Variants in FRK observed in about 807,000 individuals in gnomAD.
FRK encodes the protein fyn related Src family tyrosine kinase.
Under a neutral mutation model 56.4 loss-of-function variants are expected in FRK, and 51 were observed. The observed-to-expected ratio is 0.90, with a 90% CI of 0.72 to 1.14. The LOEUF (loss-of-function observed/expected upper bound fraction) is 1.14. Among genes scored for constraint, FRK ranks in the 50% most tolerant of loss-of-function variants. The pLI is 0.00. For synonymous variants in FRK, 245 were observed against 217.9 expected (o/e 1.12, Z -1.10); for missense variants, 570 against 601.4 (o/e 0.95, Z 0.55).
At chr6:116,024,010 A>C (rs1775977924) in intron 1 of FRK, among the ~76,000 whole-genome samples, 1 of 151,162 alleles carries the variant, frequency 6.6e-6, no homozygotes, top group South Asian at 2.1e-4. Flanking sequence ...TGATCACAGA[A>C]ATCTTTTCAT....
At position 116,039,943 on chromosome 6, in the gene FRK, T is replaced by TAA. The variant is rs1170576390; in HGVS notation, c.344+20023_344+20024dup. On this transcript the variant is annotated intron_variant, in intron 1 of 7. Transcript: ENST00000606080. ...GTGTGAGGGAATAAACACCTGGCAC[T>TAA]AAAAAAAAAAAAAAAAAGGAAAAAG... Among the ~76,000 whole-genome samples, 41 of 105,804 alleles carry TAA rather than the reference T, an allele frequency of 3.9e-4. 1 individual carries two copies. Among genetic ancestry groups the TAA allele is most frequent in the South Asian group, 1.1e-3 (4 of 3,480 alleles). 69.4% of individuals were successfully genotyped at this position (105,804 alleles called of 152,430 possible).
chr6:115,955,819 T>A (rs964926800), intron 5 of FRK, among the ~76,000 whole-genome samples: 4 of 152,232 alleles, frequency 2.6e-5, no homozygotes, highest in Admixed American at 2.6e-4. Context: ...ATTTTAATGC[T>A]CATTATACTG....
chr6:116,082,225 A>G, the FRK span, among the ~76,000 whole-genome samples: 5 of 152,330 alleles, frequency 3.3e-5, no homozygotes, highest in Admixed American at 3.3e-4. Flanking sequence ...AAGAGATAAG[A>G]AAGGGTAACA....
chr6:116,024,337 C>A (rs1164935761), intron 1 of FRK, among the ~76,000 whole-genome samples: 1 of 151,060 alleles, frequency 6.6e-6, no homozygotes, highest in Non-Finnish European at 1.5e-5. Flanking sequence ...CATATGTATA[C>A]ATGTGACATG....
Position 115,937,555 on chromosome 6 carries a change from C to A in FRK, c.*4859G>T, listed in dbSNP as rs1298715654. On this transcript the variant is annotated 3_prime_UTR_variant, in exon 8 of 8. Coordinates refer to ENST00000606080, the MANE Select transcript of FRK (RefSeq NM_002031.3). ...AATTGGATAAAGACTCAAGACCCAT[C>A]AGTGTGCTGTATTCAGGAGACCCAT... 1 of 152,080 alleles carries A rather than the reference C, an allele frequency of 6.6e-6. No homozygotes were observed. The highest frequency in any genetic ancestry group is 1.5e-5 in the Non-Finnish European group (1 of 68,028). The allele number at this position is 152,080 out of a possible 1,614,324, so 9.4% of individuals were successfully genotyped here. A position where few individuals can be genotyped will look rare whatever the true frequency, so the allele number is the denominator to read the frequency against.
At position 115,936,611 on chromosome 6, in the gene FRK, CA is replaced by C; in HGVS notation, c.*5802del. On this transcript the variant is annotated 3_prime_UTR_variant, in exon 8 of 8. Coordinates refer to ENST00000606080, the MANE Select transcript of FRK (RefSeq NM_002031.3). ...TTAGAGGAATTGCTAACTAGAATAACAAGTATAGAGAAGCACATAAATGACC... is the reference window on the plus strand; with the variant it reads ...TTAGAGGAATTGCTAACTAGAATAACAGTATAGAGAAGCACATAAATGACC... The C allele has an allele frequency of 6.6e-6, 1 of 152,206 alleles. No individual in the cohort carries two copies. The allele number at this position is 152,206 out of a possible 1,614,324, so 9.4% of individuals were successfully genotyped here.
Position 115,967,725 on chromosome 6 carries a change from T to A in FRK, c.631-6A>T, listed in dbSNP as rs1374034068. Reference sequence around the variant, plus strand: ...AATGGAGCTGGGACCTGGATCTGTTTCATAGAATAATAAGAGCAATTGTTA... The same window carrying A: ...AATGGAGCTGGGACCTGGATCTGTTACATAGAATAATAAGAGCAATTGTTA... On this transcript the variant is annotated splice_region_variant and splice_polypyrimidine_tract_variant and intron_variant, in intron 3 of 7. Transcript: ENST00000606080. The A allele has an allele frequency of 1.9e-6, 3 of 1,563,598 alleles. No individual in the cohort carries two copies. The highest frequency in any genetic ancestry group is 4.5e-5 in the East Asian group (2 of 44,024).
At chr6:116,049,705 T>C (rs936008388) in intron 1 of FRK, among the ~76,000 whole-genome samples, 2 of 152,208 alleles carry the variant, frequency 1.3e-5, no homozygotes, top group African/African-American at 4.8e-5. Context: ...TAAAAGCATC[T>C]GTCTCATAGG....
chr6:115,952,471 G>A (rs1772803142), intron 5 of FRK, among the ~76,000 whole-genome samples: 1 of 152,076 alleles, frequency 6.6e-6, no homozygotes, highest in African/African-American at 2.4e-5. Flanking sequence ...TACACTCTTG[G>A]TGGGACTGTA....
intron 5 of FRK, among the ~76,000 whole-genome samples, chr6:115,944,841 C>T (rs753605306): frequency 4.0e-5 from 6 of 151,822 alleles, no homozygotes; most frequent in Non-Finnish European, 8.8e-5. Flanking sequence ...AAGCCTAGTA[C>T]CCATTAGTTA....
At chr6:115,946,660 G>T (rs1183224916) in intron 5 of FRK, among the ~76,000 whole-genome samples, 2 of 152,178 alleles carry the variant, frequency 1.3e-5, no homozygotes, top group Non-Finnish European at 2.9e-5. Flanking sequence ...AACAGTAAAA[G>T]TGGGTGAGAT....
At chr6:115,973,779 G>A (rs1017419576) in intron 2 of FRK, among the ~76,000 whole-genome samples, 1 of 151,920 alleles carries the variant, frequency 6.6e-6, no homozygotes, top group Admixed American at 6.6e-5. Flanking sequence ...GCTGAGGCAG[G>A]AGAATTGCTT....
chr6:115,942,424 A>C lies in FRK; in HGVS notation c.1508T>G (p.Phe503Cys). Residue 503 changes from phenylalanine to cysteine, a missense_variant, in exon 8 of 8, where the codon TTC (phenylalanine) becomes TGC (cysteine). Transcript: ENST00000606080. ...TDSSYSDANN[F>C]IR ...ATTCTTCTCCAGTGTTCATCTTATGAAGTTATTTGCATCTGAATATGAAGA... is the reference window on the plus strand; with the variant it reads ...ATTCTTCTCCAGTGTTCATCTTATGCAGTTATTTGCATCTGAATATGAAGA... The C allele has an allele frequency of 6.2e-7, 1 of 1,611,224 alleles. No individual in the cohort carries two copies. The highest frequency in any genetic ancestry group is 8.5e-7 in the Non-Finnish European group (1 of 1,177,544).
upstream of FRK, among the ~76,000 whole-genome samples, chr6:116,061,963 GAAGAAAGAA>G (rs1562312663): frequency 2.1e-5 from 3 of 142,818 alleles, no homozygotes; most frequent in Non-Finnish European, 3.1e-5. Context: ...AAGAAAGAAA[GAAGAAAGAA>G]AAGAAAGAAA....
In FRK at chr6:115,940,148, C is replaced by T. The variant is rs1447741508; in HGVS notation, c.*2266G>A. On this transcript the variant is annotated 3_prime_UTR_variant, in exon 8 of 8. Transcript: ENST00000606080. ...AAAACAGATATCTAGACCAACAGAA[C>T]AGAACAGAGGCCTCAGAAATAACAC... The T allele has an allele frequency of 6.6e-6, 1 of 152,140 alleles. No individual in the cohort carries two copies. The highest frequency in any genetic ancestry group is 2.4e-5 in the African/African-American group (1 of 41,410). 9.4% of individuals were successfully genotyped at this position (152,140 alleles called of 1,614,324 possible). A position where few individuals can be genotyped will look rare whatever the true frequency, so the allele number is the denominator to read the frequency against.
At chr6:116,086,544 A>G in the FRK span, among the ~76,000 whole-genome samples, 1 of 152,232 alleles carries the variant, frequency 6.6e-6, no homozygotes, top group Admixed American at 6.5e-5. Context: ...AGGTCAAATT[A>G]AAAGTAGTAG....
chr6:116,043,906 A>G (rs1432483965), intron 1 of FRK, among the ~76,000 whole-genome samples: 1 of 152,206 alleles, frequency 6.6e-6, no homozygotes, highest in Non-Finnish European at 1.5e-5. Context: ...AGGGGATATC[A>G]CCACTGATCC....
intron 2 of FRK, among the ~76,000 whole-genome samples, chr6:115,993,630 C>T (rs1774706972): frequency 1.3e-5 from 2 of 151,494 alleles, no homozygotes; most frequent in Admixed American, 1.3e-4. Context: ...TAAATTTATA[C>T]AAATAAAAAA....
chr6:116,020,615 G>A lies in FRK; in HGVS notation c.345-16617C>T, dbSNP rs138787383. Among the ~76,000 whole-genome samples the A allele has an allele frequency of 1.6e-3, 244 of 152,184 alleles. 1 individual carries two copies. The highest frequency in any genetic ancestry group is 5.6e-3 in the African/African-American group (233 of 41,526). Reference sequence around the variant, plus strand: ...AATATTCCTTTTCTCAACAAATTCTGCAAACATCATTTTGTATCATTTTTC... The same window carrying A: ...AATATTCCTTTTCTCAACAAATTCTACAAACATCATTTTGTATCATTTTTC... On this transcript the variant is annotated intron_variant, in intron 1 of 7. Coordinates refer to ENST00000606080, the MANE Select transcript of FRK (RefSeq NM_002031.3).
Sources: allele counts gnomAD v4.1 joint callset (sites outside exome capture counted in the v4.1 genomes callset), GRCh38; gene constraint gnomAD v4.1.1; transcripts MANE v1.5; gene names NCBI Gene and HGNC (gene_info 2026-07-23, HGNC 2026-07-21).